Variants in RBFOX1 observed in about 807,000 individuals in gnomAD.
RBFOX1 encodes RNA binding protein fox-1 homolog 1.
RBFOX1 carries 8 observed loss-of-function variants against 57.7 expected under a neutral mutation model. The ratio of observed to expected loss-of-function variants is 0.14; its 90% confidence interval spans 0.08 to 0.25. The LOEUF (loss-of-function observed/expected upper bound fraction) is 0.25. RBFOX1 is among the 10% of genes least tolerant of loss of function. RBFOX1 has a pLI of 1.00. For missense variants in RBFOX1, 611 were observed against 548.5 expected, an observed-to-expected ratio of 1.11 and a Z score of -1.14; for synonymous variants, 326 against 222.4, an observed-to-expected ratio of 1.47 and a Z score of -4.15.
chr16:7,404,549 A>G (rs2098302637), intron 4 of RBFOX1, among the ~76,000 whole-genome samples: 2 of 152,190 alleles, frequency 1.3e-5, no homozygotes, highest in East Asian at 1.9e-4. Flanking sequence ...TCTGCTTCAC[A>G]GTTCAAAAAG....
At chr16:7,437,713 C>G (rs914784105) in intron 4 of RBFOX1, among the ~76,000 whole-genome samples, 8 of 152,030 alleles carry the variant, frequency 5.3e-5, no homozygotes, top group African/African-American at 1.7e-4. Flanking sequence ...GGAGATTAGC[C>G]TACTCCTGCA....
chr16:5,315,385 T>C (rs2064208593), intron 1 of RBFOX1, among the ~76,000 whole-genome samples: 1 of 152,176 alleles, frequency 6.6e-6, no homozygotes, highest in Non-Finnish European at 1.5e-5. Context: ...GTGCTTAGAA[T>C]TCATATCTTG....
At chr16:7,370,236 G>C (rs575179508) in intron 4 of RBFOX1, among the ~76,000 whole-genome samples, 2 of 152,094 alleles carry the variant, frequency 1.3e-5, no homozygotes, top group African/African-American at 4.8e-5. Context: ...GGGTAAAGTG[G>C]CCATTGATTG....
chr16:5,521,658 G>C (rs1441753013), intron 2 of RBFOX1, among the ~76,000 whole-genome samples: 1 of 142,760 alleles, frequency 7.0e-6, no homozygotes, highest in Non-Finnish European at 1.5e-5. Flanking sequence ...CTTGCCTCTA[G>C]GTTTGTAAGC....
At chr16:6,468,175 G>A (rs983040939) in intron 2 of RBFOX1, among the ~76,000 whole-genome samples, 6 of 152,122 alleles carry the variant, frequency 3.9e-5, no homozygotes, top group African/African-American at 1.4e-4. Flanking sequence ...CAGTATAATG[G>A]CAGGAGGAGG....
Position 7,664,697 on chromosome 16 carries a change from C to A in RBFOX1, c.891-232C>A, listed in dbSNP as rs1317427269. On this transcript the variant is annotated intron_variant, in intron 12 of 15. Transcript: ENST00000550418. ...AGAGAGTGGGAAGTTTGGGACCTAG[C>A]ACACCGCCACCACCACATCCTAATT... is the stretch of plus-strand genomic sequence containing the variant. 1.3e-5 allele frequency: 8 copies of A among 639,256 alleles called. No homozygotes were observed. In the East Asian group the frequency reaches 2.0e-4, roughly 16 times the overall value. 39.6% of individuals were successfully genotyped at this position (639,256 alleles called of 1,614,324 possible).
chr16:6,375,374 A>G (rs2091035412), intron 2 of RBFOX1, among the ~76,000 whole-genome samples: 1 of 152,028 alleles, frequency 6.6e-6, no homozygotes, highest in African/African-American at 2.4e-5. Flanking sequence ...CTATAAATGA[A>G]AGTCATGCAC....
chr16:6,826,446 T>C (rs1020449507), intron 3 of RBFOX1, among the ~76,000 whole-genome samples: 8 of 151,788 alleles, frequency 5.3e-5, no homozygotes, highest in African/African-American at 1.9e-4. Flanking sequence ...GTAATTCCCA[T>C]GGGTTGTTAA....
chr16:6,308,379 T>C (rs1196098764), intron 1 of RBFOX1, among the ~76,000 whole-genome samples: 3 of 152,254 alleles, frequency 2.0e-5, no homozygotes, highest in Non-Finnish European at 4.4e-5. Flanking sequence ...TCATCTGTTT[T>C]GCTTCGCCTT....
intron 1 of RBFOX1, among the ~76,000 whole-genome samples, chr16:6,149,909 T>C (rs1449959985): frequency 6.6e-6 from 1 of 152,226 alleles, no homozygotes; most frequent in South Asian, 2.1e-4. Context: ...TTATGTGCAC[T>C]GAACAAAAGG....
At chr16:7,473,332 C>T (rs908519693) in intron 4 of RBFOX1, among the ~76,000 whole-genome samples, 2 of 151,220 alleles carry the variant, frequency 1.3e-5, no homozygotes, top group African/African-American at 2.4e-5. Flanking sequence ...GAGCCAAGAT[C>T]ACACCACTGC....
chr16:7,013,415 G>A (rs1487617993), intron 3 of RBFOX1, among the ~76,000 whole-genome samples: 1 of 152,142 alleles, frequency 6.6e-6, no homozygotes, highest in Non-Finnish European at 1.5e-5. Context: ...GACAATGTCT[G>A]GAGACATGTT....
chr16:6,981,880 C>T (rs577135359), intron 3 of RBFOX1, among the ~76,000 whole-genome samples: 5 of 152,274 alleles, frequency 3.3e-5, no homozygotes, highest in Non-Finnish European at 5.9e-5. Context: ...AAGTTGATTC[C>T]ACATCTTGGC....
intron 3 of RBFOX1, among the ~76,000 whole-genome samples, chr16:7,027,107 C>G (rs2041196646): frequency 6.6e-6 from 1 of 152,170 alleles, no homozygotes. Context: ...GAACCCGTCT[C>G]TCCTAAACGC....
At chr16:6,488,889 A>T (rs1243449778) in intron 2 of RBFOX1, among the ~76,000 whole-genome samples, 1 of 152,206 alleles carries the variant, frequency 6.6e-6, no homozygotes, top group Non-Finnish European at 1.5e-5. Flanking sequence ...GTGATAGTCT[A>T]ATATAAACAT....
chr16:6,333,750 C>A (rs1385090778), intron 2 of RBFOX1, among the ~76,000 whole-genome samples: 1 of 152,206 alleles, frequency 6.6e-6, no homozygotes, highest in Non-Finnish European at 1.5e-5. Context: ...AAAGATGTTA[C>A]ATCAACGAAT....
chr16:7,465,247 C>G (rs982194605), intron 4 of RBFOX1, among the ~76,000 whole-genome samples: 1 of 152,158 alleles, frequency 6.6e-6, no homozygotes, highest in African/African-American at 2.4e-5. Flanking sequence ...TTAGAGGATC[C>G]TCTGATAAGC....
intron 1 of RBFOX1, among the ~76,000 whole-genome samples, chr16:5,332,652 A>ATG (rs1274464135): frequency 6.6e-6 from 1 of 151,392 alleles, no homozygotes; most frequent in Non-Finnish European, 1.5e-5. Context: ...ATTTTTACAT[A>ATG]TGTGTGTGTG....
intron 2 of RBFOX1, among the ~76,000 whole-genome samples, chr16:6,425,120 C>A (rs1269283280): frequency 6.6e-6 from 1 of 151,940 alleles, no homozygotes. Flanking sequence ...AACTTTATAC[C>A]TTTTAGTAAT....
Sources: gnomAD v4.1 joint callset for allele counts (sites outside exome capture counted in the v4.1 genomes callset) on GRCh38, gnomAD v4.1.1 for gene constraint, MANE v1.5 for transcripts, NCBI Gene and HGNC (gene_info 2026-07-23, HGNC 2026-07-21) for gene names.